STAM: variants seen among roughly 807,000 people sequenced by gnomAD.
STAM encodes signal transducing adaptor molecule.
STAM carries 16 observed loss-of-function variants against 63.4 expected under a neutral mutation model. That is an observed-to-expected ratio of 0.25 (90% CI 0.17 to 0.38). The LOEUF is 0.38. Ranked by LOEUF, STAM falls within the 10% of genes least tolerant of loss-of-function variation. The pLI, the probability that STAM is intolerant of heterozygous loss-of-function variation, is 1.00. For synonymous variants in STAM, 238 were observed against 223.9 expected, an observed-to-expected ratio of 1.06 and a Z score of -0.56; for missense variants, 636 against 657.1, an observed-to-expected ratio of 0.97 and a Z score of 0.35.
At chr10:17,657,052 C>CT (rs1235329126) in intron 1 of STAM, among the ~76,000 whole-genome samples, 1 of 152,070 alleles carries the variant, frequency 6.6e-6, no homozygotes, top group Non-Finnish European at 1.5e-5. Context: ...CCATCGGAGG[C>CT]TTTTTTCCCT....
Position 17,716,110 on chromosome 10 carries a change from G to A in STAM, c.*1330G>A, listed in dbSNP as rs897440736. 2.0e-5 allele frequency among the ~76,000 whole-genome samples: 3 copies of A among 151,978 alleles called. No homozygotes were observed. The highest frequency in any genetic ancestry group is 2.1e-4 in the South Asian group (1 of 4,828). ...TGACATTGTAATCTTAAATATTTAC[G>A]ATTTCCCTGGTTGGGCTATACTATT... On this transcript the variant is annotated 3_prime_UTR_variant, in exon 14 of 14. Coordinates refer to ENST00000377524, the MANE Select transcript of STAM (RefSeq NM_003473.4).
intron 2 of STAM, among the ~76,000 whole-genome samples, chr10:17,668,123 G>A (rs562763218): frequency 6.6e-6 from 1 of 152,182 alleles, no homozygotes; most frequent in Non-Finnish European, 1.5e-5. Context: ...GTTATTAAAA[G>A]CTCCAAGAAT....
At chr10:17,667,696 C>A (rs1320514918) in intron 2 of STAM, among the ~76,000 whole-genome samples, 1 of 152,080 alleles carries the variant, frequency 6.6e-6, no homozygotes, top group African/African-American at 2.4e-5. Flanking sequence ...AAGCTAGTAA[C>A]CAGAGTGCTA....
At chr10:17,696,627 T>C (rs4748402) in intron 7 of STAM, 148 bp from the exon 8 acceptor site, 55,330 of 566,604 alleles carry the variant, frequency 0.098, 2,956 homozygotes, top group Middle Eastern at 0.16. Flanking sequence ...CTTCTTCTTT[T>C]GTAATAAAGG....
chr10:17,648,442 G>A (rs569443165), intron 1 of STAM, among the ~76,000 whole-genome samples: 4 of 152,300 alleles, frequency 2.6e-5, no homozygotes, highest in East Asian at 3.9e-4. Context: ...AGCAGCAACC[G>A]GCTCGGGTCC....
Position 17,700,226 on chromosome 10 carries a change from G to C in STAM, c.859G>C (p.Asp287His), listed in dbSNP as rs1293553344. 2 of 1,610,280 alleles carry C rather than the reference G, an allele frequency of 1.2e-6. No individual in the cohort carries two copies. The highest frequency in any genetic ancestry group is 2.7e-5 in the African/African-American group (2 of 74,758). The stretch of plus-strand genomic sequence containing the variant: ...GAAGAAGACGGTACAATTTAGTGAT[G>C]ATGTTCAGGTAGAGACAATAGAACC... ...TEKKTVQFSD[D>H]VQVETIEPEP... Residue 287 changes from aspartate to histidine, a missense_variant, in exon 9 of 14, where the codon GAT becomes CAT. Coordinates refer to ENST00000377524, the MANE Select transcript of STAM (RefSeq NM_003473.4).
intron 12 of STAM, among the ~76,000 whole-genome samples, chr10:17,705,986 T>C (rs541487009): frequency 1.4e-3 from 208 of 152,018 alleles, no homozygotes; most frequent in Non-Finnish European, 2.2e-3. Context: ...GAGGATAGCT[T>C]GAGCCCAGAA....
intron 1 of STAM, among the ~76,000 whole-genome samples, chr10:17,652,997 T>C (rs1589023460): frequency 6.6e-6 from 1 of 152,306 alleles, no homozygotes; most frequent in East Asian, 1.9e-4. Context: ...TTCTGAGTGA[T>C]AAGAGCATCT....
At chr10:17,687,237 G>T (rs1302954501) in intron 4 of STAM, among the ~76,000 whole-genome samples, 1 of 152,162 alleles carries the variant, frequency 6.6e-6, no homozygotes, top group Non-Finnish European at 1.5e-5. Context: ...CACTTTGGGA[G>T]GCTGAGGCGG....
intron 9 of STAM, among the ~76,000 whole-genome samples, chr10:17,703,674 C>G (rs1554828823): frequency 1.3e-5 from 2 of 152,156 alleles, no homozygotes; most frequent in South Asian, 2.1e-4. Flanking sequence ...ACAAAAGATT[C>G]TGAAATAGAT....
At chr10:17,648,784 A>G (rs931879442) in intron 1 of STAM, among the ~76,000 whole-genome samples, 5 of 152,218 alleles carry the variant, frequency 3.3e-5, no homozygotes, top group Admixed American at 2.6e-4. Flanking sequence ...TAAAAATGTT[A>G]GATAATGTCA....
intron 2 of STAM, chr10:17,673,118 C>T (rs1456587319): frequency 1.7e-5 from 14 of 802,452 alleles, no homozygotes; most frequent in Admixed American, 6.2e-5. Context: ...TCTAAGTGCA[C>T]GTGCAGATTT....
At chr10:17,703,968 A>C (rs920254062) in intron 9 of STAM, among the ~76,000 whole-genome samples, 5 of 152,222 alleles carry the variant, frequency 3.3e-5, no homozygotes, top group Non-Finnish European at 5.9e-5. Flanking sequence ...GCTAAGCTAA[A>C]GCTGCTCCGA....
chr10:17,696,669 T>G, intron 7 of STAM, 106 bp from the exon 8 acceptor site: 8 of 745,904 alleles, frequency 1.1e-5, no homozygotes, highest in Middle Eastern at 3.0e-4. Flanking sequence ...TGGGTTATTG[T>G]GAGATTCAAA....
At chr10:17,648,684 A>AT (rs1201857041) in intron 1 of STAM, among the ~76,000 whole-genome samples, 1 of 152,220 alleles carries the variant, frequency 6.6e-6, no homozygotes, top group Non-Finnish European at 1.5e-5. Context: ...GTTATCTCTT[A>AT]TAGTCAGTGG....
intron 8 of STAM, 53 bp from the exon 9 acceptor site, chr10:17,700,138 A>G (rs1417002499): frequency 2.8e-6 from 4 of 1,437,224 alleles, no homozygotes; most frequent in East Asian, 2.5e-5. Flanking sequence ...AGTGCTTTAA[A>G]GTAGAATTTT....
rs541611499 is a variant in STAM at position 17,705,702 on chromosome 10, G to A, written c.1170G>A (p.Gln390=). The part of the protein sequence containing the change: ...MYSMYAKLQN[Q]PYYMQSSGVS... ...CCATGTATGCAAAGTTACAGAATCA[G>A]CCATATTATATGCAGTCATCTGGTG... The change falls in exon 12 of 14, where the codon CAG becomes CAA. Residue 390 remains glutamine, a synonymous_variant. Transcript: ENST00000377524. The A allele has an allele frequency of 1.9e-5, 31 of 1,613,806 alleles. No individual in the cohort carries two copies. Among genetic ancestry groups the A allele is most frequent in the Non-Finnish European group, 2.6e-5 (31 of 1,179,908 alleles).
At chr10:17,694,555 A>G (rs76542226) in intron 6 of STAM, among the ~76,000 whole-genome samples, 4,922 of 152,226 alleles carry the variant, frequency 0.032, 255 homozygotes, top group African/African-American at 0.11. Context: ...TTTGAGATCT[A>G]TTTTGGAGGA....
At chr10:17,657,257 C>T (rs1554822260) in intron 1 of STAM, among the ~76,000 whole-genome samples, 1 of 152,154 alleles carries the variant, frequency 6.6e-6, no homozygotes, top group Non-Finnish European at 1.5e-5. Flanking sequence ...TTGGTGCAAG[C>T]TGCCAATTTA....
Sources: allele counts gnomAD v4.1 joint callset (sites outside exome capture counted in the v4.1 genomes callset), GRCh38; gene constraint gnomAD v4.1.1; transcripts MANE v1.5; gene names NCBI Gene and HGNC (gene_info 2026-07-23, HGNC 2026-07-21).